ARID4B: variants seen among roughly 807,000 people sequenced by gnomAD.
ARID4B encodes the protein AT-rich interaction domain 4B.
Under a neutral mutation model 147.5 loss-of-function variants are expected in ARID4B, and 26 were observed. The ratio of observed to expected loss-of-function variants is 0.18; its 90% CI spans 0.13 to 0.24. The LOEUF is 0.24. ARID4B is among the 10% of genes least tolerant of loss of function. The pLI is 1.00. For synonymous variants in ARID4B, 512 were observed against 507.9 expected (o/e 1.01, Z -0.11); for missense variants, 1,179 against 1,511.5 (o/e 0.78, Z 3.65).
At chr1:235,173,486 G>T (rs1045930830) in intron 22 of ARID4B, among the ~76,000 whole-genome samples, 5 of 151,698 alleles carry the variant, frequency 3.3e-5, no homozygotes, top group African/African-American at 1.2e-4. Flanking sequence ...TTTTTTTAAA[G>T]AGTGTGTAAA....
rs1466860538 is a variant in ARID4B, at chr1:235,249,506, C to T, written c.355-2995G>A. Among the ~76,000 whole-genome samples the T allele has an allele frequency of 4.6e-5, 7 of 151,118 alleles. 1 individual carries two copies. Among genetic ancestry groups the T allele is most frequent in the African/African-American group, 1.2e-4 (5 of 41,100 alleles). On this transcript the variant is annotated intron_variant, in intron 6 of 23. Coordinates refer to ENST00000264183, the MANE Select transcript of ARID4B (RefSeq NM_016374.6). ...AGTGGCTTCAGTGTTGGAATTTAAACTGACTGAGGCTGGGCGTGGTGGCTC... is the reference window on the plus strand; with the variant it reads ...AGTGGCTTCAGTGTTGGAATTTAAATTGACTGAGGCTGGGCGTGGTGGCTC...
At chr1:235,184,466 G>C (rs1393862684) in intron 19 of ARID4B, among the ~76,000 whole-genome samples, 1 of 152,118 alleles carries the variant, frequency 6.6e-6, no homozygotes, top group Non-Finnish European at 1.5e-5. Context: ...CTGGGGTTTA[G>C]AGGTTAATCT....
intron 2 of ARID4B, among the ~76,000 whole-genome samples, chr1:235,310,262 T>TA (rs397952799): frequency 6.6e-6 from 1 of 151,856 alleles, no homozygotes; most frequent in African/African-American, 2.4e-5. Flanking sequence ...TAAAACTTTT[T>TA]CAACAAAGTA....
chr1:235,198,191 C>T (rs568414836), intron 17 of ARID4B, among the ~76,000 whole-genome samples: 1 of 152,190 alleles, frequency 6.6e-6, no homozygotes, highest in Non-Finnish European at 1.5e-5. Context: ...TCATGTTCTA[C>T]CTTTCTTAAC....
At chr1:235,307,069 G>C (rs1028012473) in intron 2 of ARID4B, among the ~76,000 whole-genome samples, 7 of 152,102 alleles carry the variant, frequency 4.6e-5, no homozygotes, top group Non-Finnish European at 7.4e-5. Flanking sequence ...GAAAGAACTT[G>C]TACCTACAAA....
chr1:235,311,256 G>A (rs1674027255), intron 2 of ARID4B, among the ~76,000 whole-genome samples: 1 of 151,822 alleles, frequency 6.6e-6, no homozygotes, highest in Non-Finnish European at 1.5e-5. Flanking sequence ...GAGAGGCTGA[G>A]GTGGGAGGAT....
chr1:235,201,413 G>A (rs975012676), intron 17 of ARID4B, among the ~76,000 whole-genome samples: 1 of 151,240 alleles, frequency 6.6e-6, no homozygotes, highest in Non-Finnish European at 1.5e-5. Context: ...CTGCAGCCTT[G>A]ACCTCCCAGT....
intron 2 of ARID4B, among the ~76,000 whole-genome samples, chr1:235,284,868 A>C (rs1003011627): frequency 3.9e-5 from 6 of 152,036 alleles, no homozygotes; most frequent in Non-Finnish European, 7.4e-5. Flanking sequence ...ATCTCTACAG[A>C]CCAATATCCC....
At chr1:235,222,327 CATAAA>C (rs1230360458) in intron 13 of ARID4B, among the ~76,000 whole-genome samples, 1 of 152,138 alleles carries the variant, frequency 6.6e-6, no homozygotes, top group African/African-American at 2.4e-5. Flanking sequence ...TATTATTTCG[CATAAA>C]ATATACAGGC....
At chr1:235,239,999 G>T (rs1281836071) in intron 8 of ARID4B, among the ~76,000 whole-genome samples, 1 of 152,100 alleles carries the variant, frequency 6.6e-6, no homozygotes, top group Admixed American at 6.6e-5. Flanking sequence ...GAAAGATTCT[G>T]TTGTTCTTTT....
intron 20 of ARID4B, chr1:235,180,757 G>A (rs985473488): frequency 6.6e-6 from 1 of 151,856 alleles, no homozygotes; most frequent in Admixed American, 6.6e-5. Context: ...AATCTTTTAC[G>A]GTATATAAAA....
intron 2 of ARID4B, among the ~76,000 whole-genome samples, chr1:235,306,183 T>A (rs1673544045): frequency 4.6e-5 from 7 of 152,128 alleles, no homozygotes; most frequent in Admixed American, 2.6e-4. Context: ...GGATGTTACT[T>A]TAGCAATAAA....
At chr1:235,176,150 T>C (rs1038181256) in intron 21 of ARID4B, among the ~76,000 whole-genome samples, 3 of 152,156 alleles carry the variant, frequency 2.0e-5, no homozygotes, top group Admixed American at 2.0e-4. Flanking sequence ...CAGAATTAAT[T>C]CATGTTACTA....
At chr1:235,316,010 A>G (rs1674401171) in intron 2 of ARID4B, among the ~76,000 whole-genome samples, 1 of 150,800 alleles carries the variant, frequency 6.6e-6, no homozygotes, top group African/African-American at 2.5e-5. Flanking sequence ...CAAGACTCTG[A>G]TCTCATAAAT....
chr1:235,209,287 A>G (rs761528765), intron 17 of ARID4B, among the ~76,000 whole-genome samples: 10 of 152,168 alleles, frequency 6.6e-5, no homozygotes, highest in Non-Finnish European at 1.3e-4. Flanking sequence ...TCTGGTCAAC[A>G]TGGTGAAACC....
chr1:235,176,567 A>G (rs879510676), intron 21 of ARID4B, among the ~76,000 whole-genome samples: 26 of 151,166 alleles, frequency 1.7e-4, no homozygotes, highest in Non-Finnish European at 2.8e-4. Flanking sequence ...AAACTCCACC[A>G]CTGGTTGACA....
chr1:235,306,267 GC>G (rs1369550246), intron 2 of ARID4B, among the ~76,000 whole-genome samples: 2 of 152,094 alleles, frequency 1.3e-5, no homozygotes, highest in Non-Finnish European at 2.9e-5. Flanking sequence ...ACTTTGGGAG[GC>G]TGAGACAGGC....
At chr1:235,189,755 G>T (rs527599030) in intron 19 of ARID4B, among the ~76,000 whole-genome samples, 127 of 151,572 alleles carry the variant, frequency 8.4e-4, no homozygotes, top group African/African-American at 2.9e-3. Context: ...AAAAAAATTT[G>T]GCAGGGCTGG....
At chr1:235,217,193 T>G (rs1667147098) in intron 16 of ARID4B, among the ~76,000 whole-genome samples, 1 of 152,078 alleles carries the variant, frequency 6.6e-6, no homozygotes, top group Admixed American at 6.6e-5. Context: ...GAAATTCACT[T>G]TAATAATACA....
Sources: gnomAD v4.1 joint callset for allele counts (sites outside exome capture counted in the v4.1 genomes callset) on GRCh38, gnomAD v4.1.1 for gene constraint, MANE v1.5 for transcripts, NCBI Gene and HGNC (gene_info 2026-07-23, HGNC 2026-07-21) for gene names.